Variants in MYO1B observed in about 807,000 individuals in gnomAD.
MYO1B encodes myosin IB.
A neutral mutation model predicts 159.7 loss-of-function variants in MYO1B; 72 were observed. The observed-to-expected ratio is 0.45, with a 90% CI of 0.37 to 0.55. MYO1B has a LOEUF of 0.55. MYO1B is among the 20% of genes least tolerant of loss of function. MYO1B has a pLI of 0.00. For missense variants in MYO1B, 1,062 were observed against 1,364.8 expected (o/e 0.78, Z 3.50); for synonymous variants, 468 against 473.8 (o/e 0.99, Z 0.16).
chr2:191,271,527 A>T (rs1403046581), intron 1 of MYO1B, among the ~76,000 whole-genome samples: 3 of 152,226 alleles, frequency 2.0e-5, no homozygotes, highest in African/African-American at 7.2e-5. Context: ...CTAAAAAAAA[A>T]AAAGAAGTTC....
chr2:191,400,579 C>G, intron 22 of MYO1B, 111 bp downstream of exon 22: 1 of 1,376,996 alleles, frequency 7.3e-7, no homozygotes, highest in Non-Finnish European at 1.0e-6. Flanking sequence ...CTACTGAGCA[C>G]GTGTTTGCTT....
At chr2:191,394,811 G>A (rs1036733397) in intron 20 of MYO1B, among the ~76,000 whole-genome samples, 5 of 152,170 alleles carry the variant, frequency 3.3e-5, no homozygotes, top group East Asian at 1.9e-4. Context: ...AAAAAGTCAC[G>A]ATTTATCATT....
intron 1 of MYO1B, among the ~76,000 whole-genome samples, chr2:191,265,469 T>A (rs929335707): frequency 2.0e-5 from 3 of 152,176 alleles, no homozygotes; most frequent in Non-Finnish European, 4.4e-5. Context: ...TGGAATGAGA[T>A]TGAGACCCTC....
chr2:191,279,287 T>G (rs1687915442), intron 2 of MYO1B, among the ~76,000 whole-genome samples: 1 of 152,170 alleles, frequency 6.6e-6, no homozygotes, highest in South Asian at 2.1e-4. Context: ...CTATTATAAG[T>G]GAAACAAGAG....
intron 2 of MYO1B, among the ~76,000 whole-genome samples, chr2:191,286,015 TG>T (rs1477488515): frequency 1.3e-4 from 20 of 152,192 alleles, no homozygotes; most frequent in Admixed American, 1.3e-3. Context: ...TGCAGAGCTT[TG>T]GGATGAAACT....
At chr2:191,284,643 T>A (rs1203606408) in intron 2 of MYO1B, among the ~76,000 whole-genome samples, 1 of 152,136 alleles carries the variant, frequency 6.6e-6, no homozygotes, top group Non-Finnish European at 1.5e-5. Flanking sequence ...TGATGTTTTC[T>A]TTTTTTCGAG....
At chr2:191,363,665 A>G in intron 9 of MYO1B, 63 bp from the exon 10 acceptor site, 1 of 1,525,840 alleles carries the variant, frequency 6.6e-7, no homozygotes, top group Non-Finnish European at 8.8e-7. Flanking sequence ...AATATGATTC[A>G]TTAAAAAAGA....
chr2:191,420,810 A>T (rs1697889620), intron 30 of MYO1B, among the ~76,000 whole-genome samples: 1 of 152,220 alleles, frequency 6.6e-6, no homozygotes, highest in Admixed American at 6.5e-5. Context: ...GGTTTTCTGA[A>T]TATTTGAAAT....
Position 191,416,194 on chromosome 2 carries a change from C to T in MYO1B, c.3239C>T (p.Thr1080Ile), listed in dbSNP as rs1253554117. Residue 1080 changes from threonine to isoleucine, a missense_variant, in exon 30 of 31, where the codon ACA (threonine) becomes ATA (isoleucine). Physicochemically the swap from Thr to Ile is moderately conservative, Grantham distance 89 (BLOSUM62 -1). Around this residue, in one of 5 missense-constraint regions of MYO1B, gnomAD observed 609 missense variants for 744.4 expected, o/e 0.82. Transcript: ENST00000392318. ...LIEMATKLYR[T>I]TLSQTKQKLN... ...GAAATGGCCACCAAGCTCTATCGCA[C>T]AACTCTCAGCCAAACCAAACAGAAG... is the stretch of plus-strand genomic sequence containing the variant. 1.2e-6 allele frequency: 2 copies of T among 1,614,166 alleles called. No homozygotes were observed. The highest frequency in any genetic ancestry group is 8.5e-7 in the Non-Finnish European group (1 of 1,180,036).
At chr2:191,362,115 T>C (rs1450537338) in intron 8 of MYO1B, among the ~76,000 whole-genome samples, 153 bp from the exon 9 acceptor site, 2 of 152,222 alleles carry the variant, frequency 1.3e-5, no homozygotes, top group Admixed American at 1.3e-4. Flanking sequence ...AGAATAATGC[T>C]GTTACTGATA....
intron 3 of MYO1B, among the ~76,000 whole-genome samples, chr2:191,298,815 T>G (rs1689137335): frequency 6.6e-6 from 1 of 152,178 alleles, no homozygotes; most frequent in Non-Finnish European, 1.5e-5. Context: ...CACAGAAAGA[T>G]CAAGTAACTT....
chr2:191,378,555 A>G (rs1466899593), intron 13 of MYO1B, among the ~76,000 whole-genome samples: 1 of 152,208 alleles, frequency 6.6e-6, no homozygotes, highest in Non-Finnish European at 1.5e-5. Context: ...TCATCAGTTA[A>G]GGCTATTTTC....
intron 2 of MYO1B, among the ~76,000 whole-genome samples, chr2:191,292,001 G>T (rs1328501920): frequency 6.6e-6 from 1 of 152,164 alleles, no homozygotes; most frequent in East Asian, 1.9e-4. Flanking sequence ...ACTGGCCCAT[G>T]TAGGAATATT....
chr2:191,254,695 G>C (rs1459933156), intron 1 of MYO1B, among the ~76,000 whole-genome samples: 1 of 152,030 alleles, frequency 6.6e-6, no homozygotes. Context: ...TTGTAGAGGT[G>C]ATGTCTCATT....
intron 2 of MYO1B, among the ~76,000 whole-genome samples, chr2:191,295,390 A>C (rs1405089189): frequency 6.6e-6 from 1 of 152,238 alleles, no homozygotes; most frequent in Non-Finnish European, 1.5e-5. Flanking sequence ...TACATGCTAA[A>C]ATATAGCACT....
chr2:191,414,472 G>C (rs1003411783), intron 28 of MYO1B, 45 bp from the exon 29 acceptor site: 6 of 1,530,612 alleles, frequency 3.9e-6, no homozygotes, highest in Non-Finnish European at 4.4e-6. Context: ...CCATTTTTGA[G>C]TATTTGTGAT....
intron 30 of MYO1B, among the ~76,000 whole-genome samples, chr2:191,421,676 A>C (rs1697952362): frequency 6.6e-6 from 1 of 151,372 alleles, no homozygotes; most frequent in South Asian, 2.1e-4. Flanking sequence ...TGGGTTTGCC[A>C]TGTTGGCCAG....
intron 3 of MYO1B, among the ~76,000 whole-genome samples, chr2:191,327,221 ATTC>A (rs1691158404): frequency 6.6e-6 from 1 of 152,190 alleles, no homozygotes; most frequent in East Asian, 1.9e-4. Context: ...GCATCCACTC[ATTC>A]ATCCATCCCT....
intron 7 of MYO1B, among the ~76,000 whole-genome samples, 155 bp from the exon 8 acceptor site, chr2:191,360,476 G>T (rs1693591226): frequency 1.3e-5 from 2 of 152,118 alleles, no homozygotes; most frequent in Non-Finnish European, 2.9e-5. Context: ...TAGAGTTGTG[G>T]TTCTTCCTGA....
Sources: allele counts gnomAD v4.1 joint callset (sites outside exome capture counted in the v4.1 genomes callset), GRCh38; gene constraint gnomAD v4.1.1; regional missense constraint gnomAD v4.1.1; transcripts MANE v1.5; gene names NCBI Gene and HGNC (gene_info 2026-07-23, HGNC 2026-07-21).